Variants in PCDHGA4 observed in about 807,000 individuals in gnomAD.
PCDHGA4 encodes the protein protocadherin gamma-A4.
In PCDHGA4, 38 loss-of-function variants were observed where a neutral mutation model predicts 54.6. The observed-to-expected ratio is 0.70, with a 90% CI of 0.54 to 0.91. The LOEUF (loss-of-function observed/expected upper bound fraction) is 0.91. PCDHGA4 is among the 40% of genes least tolerant of loss of function. The pLI, the probability that PCDHGA4 is intolerant of heterozygous loss-of-function variation, is 0.00. For missense variants in PCDHGA4, 1,298 were observed against 1,220.9 expected, an observed-to-expected ratio of 1.06 and a Z score of -0.94; for synonymous variants, 511 against 512.9, an observed-to-expected ratio of 1.00 and a Z score of 0.05.
intron 2 of PCDHGA4, among the ~76,000 whole-genome samples, chr5:141,501,057 C>T (rs185929124): frequency 9.7e-4 from 147 of 151,960 alleles, no homozygotes; most frequent in African/African-American, 3.4e-3. Context: ...TTAGTAGAGA[C>T]GGGGTTTCAC....
chr5:141,418,714 T>C, intron 1 of PCDHGA4: 4 of 1,614,000 alleles, frequency 2.5e-6, no homozygotes, highest in Non-Finnish European at 3.4e-6. Flanking sequence ...TTGGTGTGGC[T>C]GACAAAGCTC....
At chr5:141,420,214 C>G (rs1356792048) in intron 1 of PCDHGA4, 1 of 1,611,064 alleles carries the variant, frequency 6.2e-7, no homozygotes, top group Admixed American at 1.7e-5. Context: ...ACAAAGATAG[C>G]ATGCTACTGG....
At chr5:141,430,915 G>A (rs565034370) in intron 1 of PCDHGA4, 2 of 1,607,738 alleles carry the variant, frequency 1.2e-6, no homozygotes, top group East Asian at 4.5e-5. Context: ...CCAGGGACCT[G>A]GGGCTGGAGC....
chr5:141,427,782 T>G, intron 1 of PCDHGA4: 1 of 1,459,986 alleles, frequency 6.8e-7, no homozygotes, highest in Middle Eastern at 1.7e-4. Context: ...GCGGGCACTG[T>G]CGTCCTACGT....
chr5:141,401,655 A>G (rs1011518295), intron 1 of PCDHGA4, among the ~76,000 whole-genome samples: 2 of 152,232 alleles, frequency 1.3e-5, no homozygotes, highest in South Asian at 2.1e-4. Context: ...AAATGACTGG[A>G]TGTTTTCTCA....
chr5:141,360,168 G>A (rs1224518135), intron 1 of PCDHGA4: 2 of 1,608,034 alleles, frequency 1.2e-6, no homozygotes, highest in East Asian at 2.2e-5. Context: ...GCGGGCTGGT[G>A]CGGTGGCTGC....
At position 141,409,627 on chromosome 5, in the gene PCDHGA4, C is replaced by A. The variant is rs761778894; in HGVS notation, c.2514+52006C>A. ...CAGGAGCCTCCATTGCGCAAGTGAG[C>A]GCCTCTGACCCGGATTTGGGGCTCA... On this transcript the variant is annotated intron_variant, in intron 1 of 3. Coordinates refer to ENST00000571252, the MANE Select transcript of PCDHGA4 (RefSeq NM_018917.4). 5.0e-5 allele frequency: 80 copies of A among 1,613,716 alleles called. No individual in the cohort carries two copies. The Admixed American group carries it at 1.2e-3, about 24-fold the overall frequency.
At chr5:141,427,499 T>C in intron 1 of PCDHGA4, 2 of 571,516 alleles carry the variant, frequency 3.5e-6, no homozygotes, top group Non-Finnish European at 3.3e-6. Flanking sequence ...TTGTAACAGA[T>C]GGGACCCTGG....
rs376764580 is a variant in PCDHGA4 at position 141,400,568 on chromosome 5, T to C, written c.2514+42947T>C. On this transcript the variant is annotated intron_variant, in intron 1 of 3. Coordinates refer to ENST00000571252, the MANE Select transcript of PCDHGA4 (RefSeq NM_018917.4). ...TATTCTTTTTCATTACCCACCCAATTTTCTGTATTTACATGAAACTATCGT... is the reference window on the plus strand; with the variant it reads ...TATTCTTTTTCATTACCCACCCAATCTTCTGTATTTACATGAAACTATCGT... 46 of 1,612,870 alleles carry C rather than the reference T, an allele frequency of 2.9e-5. No homozygotes were observed. In the African/African-American group the frequency reaches 5.7e-4, roughly 20 times the overall value.
chr5:141,509,663 G>A (rs933532930), intron 3 of PCDHGA4, among the ~76,000 whole-genome samples: 1 of 152,140 alleles, frequency 6.6e-6, no homozygotes, highest in Non-Finnish European at 1.5e-5. Context: ...ACTTCTCTGG[G>A]CCCCAGTTTC....
chr5:141,360,389 T>C (rs1241447877), intron 1 of PCDHGA4: 1 of 1,613,908 alleles, frequency 6.2e-7, no homozygotes, highest in East Asian at 2.2e-5. Flanking sequence ...GGAGACTTAC[T>C]TGTGAGTGAC....
At position 141,481,468 on chromosome 5, in the gene PCDHGA4, G is replaced by A. The variant is rs575259839; in HGVS notation, c.2515-13339G>A. Among the ~76,000 whole-genome samples the A allele has an allele frequency of 2.6e-5, 4 of 152,332 alleles. No homozygotes were observed. In the South Asian group the frequency reaches 8.3e-4, roughly 32 times the overall value. On this transcript the variant is annotated intron_variant, in intron 1 of 3. Transcript: ENST00000571252. Reference sequence around the variant, plus strand: ...CATGTAAATACACTGAAAACCATTGGATTATACACTTTAAATATGTGATTT... The same window carrying A: ...CATGTAAATACACTGAAAACCATTGAATTATACACTTTAAATATGTGATTT...
At chr5:141,397,642 T>A (rs1015821056) in intron 1 of PCDHGA4, among the ~76,000 whole-genome samples, 1 of 152,236 alleles carries the variant, frequency 6.6e-6, no homozygotes, top group African/African-American at 2.4e-5. Context: ...GTTCAAGGTA[T>A]GTTTGCAGAA....
intron 3 of PCDHGA4, 93 bp downstream of exon 3, chr5:141,505,574 C>G: frequency 6.3e-7 from 1 of 1,593,636 alleles, no homozygotes; most frequent in South Asian, 1.1e-5. Flanking sequence ...GGATGTCAAA[C>G]CTGTGTAGTT....
chr5:141,487,429 C>A lies in PCDHGA4; in HGVS notation c.2515-7378C>A. 1 of 1,614,162 alleles carries A rather than the reference C, an allele frequency of 6.2e-7. No individual in the cohort carries two copies. Among genetic ancestry groups the A allele is most frequent in the Non-Finnish European group, 8.5e-7 (1 of 1,180,018 alleles). On this transcript the variant is annotated intron_variant, in intron 1 of 3. Transcript: ENST00000571252. The surrounding 1 kb of genome is among the most constrained non-coding windows in gnomAD (Gnocchi z 5.0). ...CCCCTTCCAATGGGATCCTCCGAAT[C>A]CAGCTAGGGTCAGATGACCCTATCA...
rs763321545 is a variant in PCDHGA4 at position 141,389,799 on chromosome 5, C to A, written c.2514+32178C>A. 1.2e-5 allele frequency: 19 copies of A among 1,613,678 alleles called. No individual in the cohort carries two copies. The South Asian group carries it at 1.9e-4, about 16-fold the overall frequency. On this transcript the variant is annotated intron_variant, in intron 1 of 3. Transcript: ENST00000571252. ...AGGCGACAGGGACGCCGTCCGCCAG[C>A]GCCTTCTGGTCGCCGTGCGTGACGG...
chr5:141,413,190 G>A (rs965319802), intron 1 of PCDHGA4: 11 of 1,607,556 alleles, frequency 6.8e-6, no homozygotes, highest in East Asian at 2.2e-5. Flanking sequence ...CCGCTCAAAG[G>A]AATCGCTCAA....
chr5:141,370,966 A>T (rs1417305082), intron 1 of PCDHGA4: 1 of 1,614,000 alleles, frequency 6.2e-7, no homozygotes, highest in Middle Eastern at 1.6e-4. Flanking sequence ...GGCAGTAGGT[A>T]CCCAGAGCTA....
intron 1 of PCDHGA4, chr5:141,370,988 A>T (rs760427095): frequency 2.5e-5 from 41 of 1,613,868 alleles, no homozygotes; most frequent in Non-Finnish European, 3.1e-5. Context: ...TACTGAAAGC[A>T]CCCCTGGACA....
Sources: allele counts gnomAD v4.1 joint callset (sites outside exome capture counted in the v4.1 genomes callset), GRCh38; gene constraint gnomAD v4.1.1; non-coding constraint Gnocchi (gnomAD v3.1); transcripts MANE v1.5; gene names NCBI Gene and HGNC (gene_info 2026-07-23, HGNC 2026-07-21).